PYGB: variants seen among roughly 807,000 people sequenced by gnomAD.
The protein encoded by PYGB is glycogen phosphorylase, brain form.
Under a neutral mutation model 94.3 loss-of-function variants are expected in PYGB, and 82 were observed. That is an observed-to-expected ratio of 0.87 (90% CI 0.73 to 1.04). The LOEUF (loss-of-function observed/expected upper bound fraction) is 1.04, where lower values mean the gene tolerates loss of function less well. Among genes scored for constraint, PYGB ranks in the 50% least tolerant of loss-of-function variants. The probability of loss-of-function intolerance (pLI) is 0.00; values close to 1 mark genes in which losing one functional copy is unlikely to be tolerated. For synonymous variants in PYGB, 488 were observed against 479.1 expected, an observed-to-expected ratio of 1.02 and a Z score of -0.24; for missense variants, 1,132 against 1,158.2, an observed-to-expected ratio of 0.98 and a Z score of 0.33.
In PYGB at chr20:25,277,327, G is replaced by A. The variant is rs936374575; in HGVS notation, c.855+1G>A. The A allele has an allele frequency of 8.4e-6, 13 of 1,555,572 alleles. No individual in the cohort carries two copies. The highest frequency in any genetic ancestry group is 1.4e-5 in the African/African-American group (1 of 73,490). On this transcript the variant is annotated splice_donor_variant, in intron 7 of 19. Transcript: ENST00000216962. LOFTEE classifies it high-confidence loss of function. Reference sequence around the variant, plus strand: ...CAGGGTCCTGTATCCAAATGATAACGTGAGTAGCTGGCCTGGGCACTCTTG... The same window carrying A: ...CAGGGTCCTGTATCCAAATGATAACATGAGTAGCTGGCCTGGGCACTCTTG...
intron 14 of PYGB, 138 bp downstream of exon 14, chr20:25,284,389 G>A (rs1048087336): frequency 1.8e-5 from 22 of 1,210,494 alleles, no homozygotes; most frequent in Admixed American, 1.1e-4. Context: ...GATGTGGCAC[G>A]TTTATTTTAA....
chr20:25,280,908 C>T (rs1250085979), intron 10 of PYGB, 41 bp from the exon 11 acceptor site: 1 of 1,604,014 alleles, frequency 6.2e-7, no homozygotes, highest in East Asian at 2.2e-5. Flanking sequence ...CTCCGTGGGG[C>T]CTCCTGTGCC....
chr20:25,252,826 G>A (rs1412985739), intron 1 of PYGB, among the ~76,000 whole-genome samples: 1 of 152,226 alleles, frequency 6.6e-6, no homozygotes, highest in South Asian at 2.1e-4. Flanking sequence ...GGCCATTGGT[G>A]ATGAGCTCAG....
intron 11 of PYGB, among the ~76,000 whole-genome samples, 188 bp from the exon 12 acceptor site, chr20:25,281,845 G>A (rs569659783): frequency 6.6e-6 from 1 of 152,366 alleles, no homozygotes; most frequent in African/African-American, 2.4e-5. Context: ...GCCCCGGGGT[G>A]CAGGTGCTGC....
At position 25,292,456 on chromosome 20, in the gene PYGB, G is replaced by A; in HGVS notation, c.2020G>A (p.Ala674Thr). ...SQQISTAGTE[A>T]SGTGNMKFML... ...GCAGATCTCCACTGCAGGCACCGAG[G>A]CCTCAGGCACAGGCAACATGAAGTT... Residue 674 changes from alanine (A) to threonine (T), a missense_variant, in exon 17 of 20, where the codon GCC (alanine) becomes ACC (threonine). Ala to Thr is a moderately conservative substitution (Grantham distance 58). Transcript: ENST00000216962. The A allele has an allele frequency of 2.5e-6, 4 of 1,613,576 alleles. No individual in the cohort carries two copies. Among genetic ancestry groups the A allele is most frequent in the Non-Finnish European group, 3.4e-6 (4 of 1,180,006 alleles).
chr20:25,259,197 A>G (rs747608811), intron 1 of PYGB, 40 bp from the exon 2 acceptor site: 1 of 1,506,826 alleles, frequency 6.6e-7, no homozygotes, highest in East Asian at 2.3e-5. Context: ...TAAAGTGTAG[A>G]ATGGAATGAG....
chr20:25,257,027 A>G (rs1321105787), intron 1 of PYGB, among the ~76,000 whole-genome samples: 1 of 152,164 alleles, frequency 6.6e-6, no homozygotes, highest in East Asian at 1.9e-4. Context: ...TGACTTGCCC[A>G]GGTCACCCAG....
chr20:25,248,086 G>C lies in PYGB; in HGVS notation c.-93G>C, dbSNP rs1327596910. 9.8e-6 allele frequency: 13 copies of C among 1,323,038 alleles called. No individual in the cohort carries two copies. The highest frequency in any genetic ancestry group is 2.8e-4 in the Middle Eastern group (1 of 3,540). 82.0% of individuals were successfully genotyped at this position (1,323,038 alleles called of 1,614,324 possible). The stretch of plus-strand genomic sequence containing the variant: ...CGCAGAGCCGCAGTGCCGGGCGCCA[G>C]AGCAGCGGCGCCAGAGCAGCTGCAC... On this transcript the variant is annotated 5_prime_UTR_variant, in exon 1 of 20. Coordinates refer to ENST00000216962, the MANE Select transcript of PYGB (RefSeq NM_002862.4).
chr20:25,289,832 C>T (rs1240128195), intron 15 of PYGB: 1 of 533,410 alleles, frequency 1.9e-6, no homozygotes, highest in South Asian at 1.4e-5. Context: ...CCACCAGAAC[C>T]ACAATGGGAG....
chr20:25,249,361 C>G (rs1375878877), intron 1 of PYGB, among the ~76,000 whole-genome samples: 4 of 152,204 alleles, frequency 2.6e-5, no homozygotes, highest in Non-Finnish European at 4.4e-5. Context: ...GCACAGCCCC[C>G]TGTTGCCAGT....
chr20:25,296,641 T>A lies in PYGB; in HGVS notation c.*119T>A, dbSNP rs2088551502. On this transcript the variant is annotated 3_prime_UTR_variant, in exon 20 of 20. Transcript: ENST00000216962. ...TCCCTGCTTTTCTGAGTACCATGTT[T>A]CCAGGAGGGGCCATGGGGGTCAGGG... 1 of 1,331,018 alleles carries A rather than the reference T, an allele frequency of 7.5e-7. No individual in the cohort carries two copies. The highest frequency in any genetic ancestry group is 1.0e-6 in the Non-Finnish European group (1 of 986,130). The allele number at this position is 1,331,018 out of a possible 1,614,324, so 82.5% of individuals were successfully genotyped here.
rs184110262 is a variant in PYGB at position 25,278,685 on chromosome 20, C to T, written c.999+223C>T. The stretch of plus-strand genomic sequence containing the variant: ...GGTCAGCAAGGGACATGGTGAAAGG[C>T]TCCTGTGCAAAGTCAGATGTGCTGG... On this transcript the variant is annotated intron_variant, in intron 8 of 19. Transcript: ENST00000216962. Among the ~76,000 whole-genome samples the T allele has an allele frequency of 1.1e-4, 17 of 152,336 alleles. No individual in the cohort carries two copies. In the East Asian group the frequency reaches 3.3e-3, roughly 29 times the overall value.
rs2088362155 is a variant in PYGB at position 25,281,010 on chromosome 20, A to T, written c.1301A>T (p.Glu434Val). The T allele has an allele frequency of 6.2e-7, 1 of 1,613,942 alleles. No homozygotes were observed. Among genetic ancestry groups the T allele is most frequent in the Admixed American group, 1.7e-5 (1 of 59,998 alleles). ...CTGCGCAGGATGTCTGTGATCGAGG[A>T]GGGGGACTGCAAGCGGATCAACATG... ...DRLRRMSVIE[E>V]GDCKRINMAH... The change falls in exon 11 of 20, where the codon GAG becomes GTG. Residue 434 changes from glutamate to valine, a missense_variant. Coordinates refer to ENST00000216962, the MANE Select transcript of PYGB (RefSeq NM_002862.4).
In PYGB at chr20:25,292,552, G is replaced by A; in HGVS notation, c.2116G>A (p.Ala706Thr). Residue 706 changes from alanine to threonine, a missense_variant, in exon 17 of 20, where the codon GCC becomes ACC. Coordinates refer to ENST00000216962, the MANE Select transcript of PYGB (RefSeq NM_002862.4). ...ANVEMAEEAG[A>T]ENLFIFGLRV... ...CGTGGAGATGGCCGAGGAGGCCGGGGCCGAGAACCTCTTCATCTTCGGCCT... is the reference window on the plus strand; with the variant it reads ...CGTGGAGATGGCCGAGGAGGCCGGGACCGAGAACCTCTTCATCTTCGGCCT... 6.2e-7 allele frequency: 1 copy of A among 1,613,366 alleles called. No individual in the cohort carries two copies. The highest frequency in any genetic ancestry group is 8.5e-7 in the Non-Finnish European group (1 of 1,180,014).
chr20:25,296,714 T>C lies in PYGB; in HGVS notation c.*192T>C. 1 of 743,112 alleles carries C rather than the reference T, an allele frequency of 1.3e-6. No individual in the cohort carries two copies. The highest frequency in any genetic ancestry group is 1.9e-5 in the South Asian group (1 of 51,768). The allele number at this position is 743,112 out of a possible 1,614,324, so 46.0% of individuals were successfully genotyped here. ...GGAAGGAATGTGCTAGAAGTGCTCC[T>C]AGTTTCTTGTAAAGGAAGCCAGAGT... On this transcript the variant is annotated 3_prime_UTR_variant, in exon 20 of 20. Transcript: ENST00000216962.
intron 18 of PYGB, 79 bp downstream of exon 18, chr20:25,294,371 C>A: frequency 1.4e-6 from 2 of 1,479,864 alleles, no homozygotes; most frequent in Non-Finnish European, 9.3e-7. Context: ...GGATATTCCA[C>A]CTTGTTTGGA....
At chr20:25,266,469 C>T (rs2088219434) in intron 2 of PYGB, among the ~76,000 whole-genome samples, 2 of 152,152 alleles carry the variant, frequency 1.3e-5, no homozygotes, top group East Asian at 1.9e-4. Flanking sequence ...AGGGATCAAT[C>T]TTCATGACCT....
chr20:25,296,324 C>T (rs750678813), intron 19 of PYGB, 46 bp from the exon 20 acceptor site: 60 of 1,609,690 alleles, frequency 3.7e-5, no homozygotes, highest in Non-Finnish European at 4.9e-5. Context: ...TTTAGCAGCC[C>T]CAAGCCCTGT....
At chr20:25,271,571 T>G in intron 4 of PYGB, 85 bp downstream of exon 4, 1 of 1,429,486 alleles carries the variant, frequency 7.0e-7, no homozygotes. Context: ...CTTTTTATAC[T>G]TCCCACGCCC....
Sources: gnomAD v4.1 joint callset for allele counts (sites outside exome capture counted in the v4.1 genomes callset) on GRCh38, gnomAD v4.1.1 for gene constraint, MANE v1.5 for transcripts, NCBI Gene and HGNC (gene_info 2026-07-23, HGNC 2026-07-21) for gene names.